The following SPAG16 variants were observed in gnomAD, a reference collection of about 807,000 sequenced individuals.
SPAG16 encodes sperm associated antigen 16.
Under a neutral mutation model 80.4 loss-of-function variants are expected in SPAG16, and 86 were observed. That is an observed-to-expected ratio of 1.07 (90% CI 0.90 to 1.28). The LOEUF is 1.28. Among genes scored for constraint, SPAG16 ranks in the 50% most tolerant of loss-of-function variants. The pLI, the probability that SPAG16 is intolerant of heterozygous loss-of-function variation, is 0.00. For synonymous variants in SPAG16, 294 were observed against 265.9 expected, an observed-to-expected ratio of 1.11 and a Z score of -1.03; for missense variants, 870 against 765.3, an observed-to-expected ratio of 1.14 and a Z score of -1.61.
In SPAG16 at chr2:214,250,554, A is replaced by C. The variant is rs191537954; in HGVS notation, c.1720+101288A>C. On this transcript the variant is annotated intron_variant, in intron 15 of 15. Coordinates refer to ENST00000331683, the MANE Select transcript of SPAG16 (RefSeq NM_024532.5). ...TTAAAAGCTTTCTAATTGTTAATTC[A>C]ATAACCTTTTGTAAAATAAAAAATA... 2.7e-3 allele frequency among the ~76,000 whole-genome samples: 401 copies of C among 149,810 alleles called. 4 individuals carry two copies. Among genetic ancestry groups the C allele is most frequent in the South Asian group, 0.021 (101 of 4,786 alleles).
At chr2:213,460,501 A>T (rs2072299348) in intron 9 of SPAG16, among the ~76,000 whole-genome samples, 2 of 152,204 alleles carry the variant, frequency 1.3e-5, no homozygotes, top group African/African-American at 4.8e-5. Flanking sequence ...TGTTGCAGGG[A>T]ACCTCAATCA....
chr2:214,056,232 G>GCC (rs1032856137), intron 13 of SPAG16, among the ~76,000 whole-genome samples: 1 of 150,186 alleles, frequency 6.7e-6, no homozygotes, highest in African/African-American at 2.5e-5. Context: ...TTCAAGCCTG[G>GCC]TTAATCAAAA....
At chr2:213,509,685 T>C (rs2075142957) in intron 10 of SPAG16, among the ~76,000 whole-genome samples, 1 of 152,088 alleles carries the variant, frequency 6.6e-6, no homozygotes, top group African/African-American at 2.4e-5. Context: ...GAGGGAAATT[T>C]ATAGCACTAA....
At chr2:213,981,185 G>C (rs917411769) in intron 12 of SPAG16, among the ~76,000 whole-genome samples, 13 of 152,056 alleles carry the variant, frequency 8.5e-5, no homozygotes, top group African/African-American at 2.9e-4. Flanking sequence ...TTTGAATGCT[G>C]CTATAAGAAT....
At chr2:213,529,702 AT>A (rs2076004882) in intron 10 of SPAG16, among the ~76,000 whole-genome samples, 1 of 152,196 alleles carries the variant, frequency 6.6e-6, no homozygotes, top group Non-Finnish European at 1.5e-5. Context: ...AATGGTCAGT[AT>A]TTGTATAACT....
intron 1 of SPAG16, among the ~76,000 whole-genome samples, chr2:213,292,685 C>CAACAACAA (rs1449000054): frequency 1.1e-5 from 1 of 91,630 alleles, no homozygotes; most frequent in Admixed American, 9.7e-5. Flanking sequence ...ACAAAAAAAA[C>CAACAACAA]AAAAAAAAAC....
intron 9 of SPAG16, among the ~76,000 whole-genome samples, chr2:213,412,637 T>G (rs538299127): frequency 6.6e-6 from 1 of 152,208 alleles, no homozygotes; most frequent in East Asian, 1.9e-4. Flanking sequence ...TTTTTTTGTT[T>G]GTTTGGCTTT....
intron 10 of SPAG16, among the ~76,000 whole-genome samples, chr2:213,812,427 C>T (rs1026935933): frequency 9.2e-5 from 14 of 152,080 alleles, no homozygotes; most frequent in African/African-American, 2.9e-4. Flanking sequence ...TTAGGTTAAT[C>T]GGCAAAGATA....
At chr2:214,066,673 CAAT>C (rs1280486914) in intron 13 of SPAG16, among the ~76,000 whole-genome samples, 1 of 151,752 alleles carries the variant, frequency 6.6e-6, no homozygotes, top group Non-Finnish European at 1.5e-5. Flanking sequence ...AAAAAACACT[CAAT>C]AAACTCAAAA....
chr2:214,193,059 T>C (rs575065982), intron 15 of SPAG16, among the ~76,000 whole-genome samples: 42 of 152,210 alleles, frequency 2.8e-4, no homozygotes, highest in African/African-American at 1.0e-3. Context: ...ACTATAGAGT[T>C]GTCCCATCTA....
At chr2:214,169,112 T>C (rs1481313293) in intron 15 of SPAG16, among the ~76,000 whole-genome samples, 5 of 152,102 alleles carry the variant, frequency 3.3e-5, no homozygotes, top group Non-Finnish European at 7.4e-5. Context: ...TGAAATAAGA[T>C]GCCAAGAAAA....
chr2:214,113,467 T>A (rs555584930), intron 14 of SPAG16, among the ~76,000 whole-genome samples: 3 of 152,342 alleles, frequency 2.0e-5, no homozygotes, highest in Non-Finnish European at 2.9e-5. Flanking sequence ...CAATCAAATG[T>A]AGATTTGGTC....
Position 213,350,618 on chromosome 2 carries a change from C to T in SPAG16, c.735C>T (p.Ser245=), listed in dbSNP as rs753847693. Residue 245 remains serine, a synonymous_variant, in exon 7 of 16, where the codon TCC becomes TCT. Coordinates refer to ENST00000331683, the MANE Select transcript of SPAG16 (RefSeq NM_024532.5). ...TACTGAAGGAGAAAATGCTGACCTC[C>T]TTGGAAAGAGACAAAGTAGTTGGGC... ...HTLLKEKMLT[S]LERDKVVGQI... 7 of 1,599,794 alleles carry T rather than the reference C, an allele frequency of 4.4e-6. No homozygotes were observed. The South Asian group carries it at 6.8e-5, about 16-fold the overall frequency.
In SPAG16 at chr2:213,821,517, G is replaced by T. The variant is rs115914685; in HGVS notation, c.1071-40968G>T. Among the ~76,000 whole-genome samples the T allele has an allele frequency of 1.9e-3, 295 of 152,076 alleles. 1 individual carries two copies. The highest frequency in any genetic ancestry group is 6.9e-3 in the African/African-American group (286 of 41,500). On this transcript the variant is annotated intron_variant, in intron 10 of 15. Coordinates refer to ENST00000331683, the MANE Select transcript of SPAG16 (RefSeq NM_024532.5). ...TAATAATCACATCAAAGTAAATGGG[G>T]TATCCATTCTTTCAAGCCTTCATCT...
intron 10 of SPAG16, among the ~76,000 whole-genome samples, chr2:213,750,682 A>T (rs1271260900): frequency 6.6e-6 from 1 of 152,204 alleles, no homozygotes; most frequent in East Asian, 1.9e-4. Flanking sequence ...TCCTAGGACC[A>T]CTTGAAGCTT....
chr2:213,621,775 T>G (rs555651881), intron 10 of SPAG16, among the ~76,000 whole-genome samples: 1 of 152,300 alleles, frequency 6.6e-6, no homozygotes, highest in African/African-American at 2.4e-5. Flanking sequence ...ATTTGAAAGG[T>G]TTGATATATT....
intron 9 of SPAG16, among the ~76,000 whole-genome samples, chr2:213,398,582 T>C (rs2068159012): frequency 6.6e-6 from 1 of 152,208 alleles, no homozygotes; most frequent in Non-Finnish European, 1.5e-5. Context: ...ATAATTCAGA[T>C]GGCTCATCTC....
At chr2:213,335,312 C>T (rs955392662) in intron 5 of SPAG16, among the ~76,000 whole-genome samples, 3 of 152,052 alleles carry the variant, frequency 2.0e-5, no homozygotes, top group African/African-American at 7.2e-5. Context: ...ACATGTATTC[C>T]TATTTTAAAT....
intron 10 of SPAG16, among the ~76,000 whole-genome samples, chr2:213,631,545 C>A (rs2062151937): frequency 1.3e-5 from 2 of 152,086 alleles, no homozygotes; most frequent in South Asian, 4.1e-4. Flanking sequence ...GAAATTCCCC[C>A]TTGCTGTTCT....
Sources: gnomAD v4.1 joint callset for allele counts (sites outside exome capture counted in the v4.1 genomes callset) on GRCh38, gnomAD v4.1.1 for gene constraint, MANE v1.5 for transcripts, NCBI Gene and HGNC (gene_info 2026-07-23, HGNC 2026-07-21) for gene names.